The following CLEC2A variants were observed in gnomAD, a reference collection of about 807,000 sequenced individuals.
CLEC2A encodes the protein C-type lectin domain family 2 member A.
CLEC2A carries 19 observed loss-of-function variants against 18.6 expected under a neutral mutation model. The ratio of observed to expected loss-of-function variants is 1.02; its 90% CI spans 0.71 to 1.50. The LOEUF (loss-of-function observed/expected upper bound fraction) is 1.50, where lower values mean the gene tolerates loss of function less well. CLEC2A is among the 40% of genes most tolerant of loss of function. The pLI is 0.00. For synonymous variants in CLEC2A, 74 were observed against 64.0 expected (o/e 1.16, Z -0.75); for missense variants, 190 against 207.9 (o/e 0.91, Z 0.53).
intron 1 of CLEC2A, among the ~76,000 whole-genome samples, chr12:9,929,010 T>A (rs1863327024): frequency 6.6e-6 from 1 of 152,108 alleles, no homozygotes; most frequent in African/African-American, 2.4e-5. Flanking sequence ...TTGGAAGTCA[T>A]CCCTACTGTT....
downstream of CLEC2A, among the ~76,000 whole-genome samples, chr12:9,911,136 T>C (rs1056394473): frequency 9.2e-5 from 14 of 152,172 alleles, no homozygotes; most frequent in African/African-American, 3.1e-4. Flanking sequence ...CCTGATTGGC[T>C]AAACACTTAA....
At chr12:9,921,274 C>T (rs530015864) in intron 3 of CLEC2A, among the ~76,000 whole-genome samples, 1 of 152,258 alleles carries the variant, frequency 6.6e-6, no homozygotes, top group South Asian at 2.1e-4. Context: ...AGTCAAAAGT[C>T]TGTATATAAC....
At chr12:9,906,252 A>AT (rs1862906821) in intron 4 of CLEC2A, among the ~76,000 whole-genome samples, 2 of 151,862 alleles carry the variant, frequency 1.3e-5, no homozygotes, top group African/African-American at 4.8e-5. Flanking sequence ...ATTTTGATTA[A>AT]TTTTTCCTTT....
chr12:9,925,163 C>T (rs1863247567), intron 2 of CLEC2A, among the ~76,000 whole-genome samples: 1 of 152,194 alleles, frequency 6.6e-6, no homozygotes. Flanking sequence ...GTGCATGTCA[C>T]GTCAAACTTA....
At chr12:9,927,133 A>G (rs757576211) in intron 1 of CLEC2A, among the ~76,000 whole-genome samples, 1 of 152,136 alleles carries the variant, frequency 6.6e-6, no homozygotes, top group Non-Finnish European at 1.5e-5. Flanking sequence ...TTGGAACATC[A>G]TAGAATGTAC....
chr12:9,878,378 G>A, the CLEC2A span, among the ~76,000 whole-genome samples: 4 of 152,106 alleles, frequency 2.6e-5, no homozygotes, highest in African/African-American at 9.7e-5. Context: ...AGGGGAGAGG[G>A]CAAAAGGAGA....
At chr12:9,890,967 A>G in the CLEC2A span, among the ~76,000 whole-genome samples, 4 of 152,036 alleles carry the variant, frequency 2.6e-5, 1 homozygote, top group East Asian at 7.7e-4. Flanking sequence ...ATTTCTTAGA[A>G]TTATAATCAA....
the CLEC2A span, among the ~76,000 whole-genome samples, chr12:9,888,096 G>GAAAA: frequency 1.9e-4 from 19 of 101,312 alleles, no homozygotes; most frequent in African/African-American, 6.7e-4. Flanking sequence ...TAATAAAAAT[G>GAAAA]AAAAAAAAAA....
the CLEC2A span, chr12:9,881,429 C>CCAA: frequency 1.1e-5 from 6 of 553,728 alleles, no homozygotes; most frequent in African/African-American, 1.9e-5. Flanking sequence ...ACCAACACAT[C>CCAA]CTGTGTGGTT....
intron 4 of CLEC2A, among the ~76,000 whole-genome samples, chr12:9,902,880 G>T (rs1862853515): frequency 6.6e-6 from 1 of 152,160 alleles, no homozygotes; most frequent in Non-Finnish European, 1.5e-5. Context: ...ATTAGTCCCA[G>T]TTGGCTAAAC....
the CLEC2A span, chr12:9,893,232 C>A: frequency 7.0e-7 from 1 of 1,434,588 alleles, no homozygotes; most frequent in Non-Finnish European, 9.3e-7. Flanking sequence ...AGTTCACTGC[C>A]TAAGAAGCTT....
At chr12:9,894,669 A>G (rs542001113), downstream of CLEC2A, among the ~76,000 whole-genome samples, 2 of 152,236 alleles carry the variant, frequency 1.3e-5, no homozygotes, top group South Asian at 4.1e-4. Context: ...GTAAGTCTGG[A>G]GCAAAGGCCA....
downstream of CLEC2A, among the ~76,000 whole-genome samples, chr12:9,909,221 G>C (rs923888569): frequency 4.6e-5 from 7 of 152,188 alleles, no homozygotes; most frequent in Admixed American, 4.6e-4. Context: ...CTGAGACAGA[G>C]TCTGAGTCCA....
rs1863022816 is a variant in CLEC2A, at chr12:9,913,669, A to G, written c.422T>C (p.Ile141Thr). The G allele has an allele frequency of 1.3e-6, 2 of 1,545,744 alleles. No homozygotes were observed. Among genetic ancestry groups the G allele is most frequent in the South Asian group, 1.2e-5 (1 of 83,458 alleles). Residue 141 changes from isoleucine (I) to threonine (T), a missense_variant, in exon 5 of 5, where the codon ATA becomes ACA. Transcript: ENST00000455827. The part of the protein sequence containing the change: ...GTTFNGWFEI[I>T]GNGSFAFLSA... ...CAAGAAAGCAAAGGATCCGTTCCCTATAATTTCAAACCTGAAAAAGAACAC... is the reference window on the plus strand; with the variant it reads ...CAAGAAAGCAAAGGATCCGTTCCCTGTAATTTCAAACCTGAAAAAGAACAC...
At chr12:9,905,180 C>T (rs762661356) in intron 4 of CLEC2A, among the ~76,000 whole-genome samples, 8 of 152,194 alleles carry the variant, frequency 5.3e-5, no homozygotes, top group Non-Finnish European at 8.8e-5. Context: ...CGTAGGATAA[C>T]GGCCCATTTT....
the CLEC2A span, among the ~76,000 whole-genome samples, chr12:9,883,092 G>A: frequency 1.3e-5 from 2 of 152,182 alleles, no homozygotes; most frequent in African/African-American, 4.8e-5. Flanking sequence ...AAAAATTACT[G>A]TAGGCATGTT....
At chr12:9,923,472 T>C (rs1863208005) in intron 2 of CLEC2A, among the ~76,000 whole-genome samples, 1 of 152,100 alleles carries the variant, frequency 6.6e-6, no homozygotes, top group Admixed American at 6.5e-5. Flanking sequence ...ACTTTTACAC[T>C]GTTGGTGGGA....
chr12:9,906,970 A>G (rs1454010224), intron 4 of CLEC2A, among the ~76,000 whole-genome samples: 1 of 152,238 alleles, frequency 6.6e-6, no homozygotes. Flanking sequence ...TGCTTGAGTC[A>G]GTGAGTCACC....
chr12:9,924,807 T>C (rs929195677), intron 2 of CLEC2A, among the ~76,000 whole-genome samples: 3 of 152,320 alleles, frequency 2.0e-5, no homozygotes, highest in South Asian at 4.1e-4. Context: ...TAGACTCTTT[T>C]GAGTTAAACG....
Sources: allele counts gnomAD v4.1 joint callset (sites outside exome capture counted in the v4.1 genomes callset), GRCh38; gene constraint gnomAD v4.1.1; transcripts MANE v1.5; gene names NCBI Gene and HGNC (gene_info 2026-07-23, HGNC 2026-07-21).